Variants in UBAP2 observed in about 807,000 individuals in gnomAD.
UBAP2 encodes the protein ubiquitin-associated protein 2.
A neutral mutation model predicts 139.6 loss-of-function variants in UBAP2; 75 were observed. The observed-to-expected ratio is 0.54, with a 90% confidence interval of 0.45 to 0.65. The LOEUF (loss-of-function observed/expected upper bound fraction) is 0.65, where lower values mean the gene tolerates loss of function less well. Ranked by LOEUF, UBAP2 falls within the 30% of genes least tolerant of loss-of-function variation. The pLI, the probability that UBAP2 is intolerant of heterozygous loss-of-function variation, is 0.00. For missense variants in UBAP2, 1,368 were observed against 1,369.6 expected, an observed-to-expected ratio of 1.00 and a Z score of 0.02; for synonymous variants, 526 against 526.2, an observed-to-expected ratio of 1.00 and a Z score of 0.01.
Position 34,036,337 on chromosome 9 carries a change from A to G in UBAP2, c.-42+12488T>C, listed in dbSNP as rs541011467. Among the ~76,000 whole-genome samples, 187 of 152,162 alleles carry G rather than the reference A, an allele frequency of 1.2e-3. 1 individual carries two copies. The highest frequency in any genetic ancestry group is 4.2e-3 in the African/African-American group (176 of 41,546). On this transcript the variant is annotated intron_variant, in intron 1 of 28. Transcript: ENST00000379238. The stretch of plus-strand genomic sequence containing the variant: ...TCTCCATGTTGGTCAGGATGGTCTC[A>G]AACTCCCGACCTCAGGTGATCTGCC...
In UBAP2 at chr9:33,989,128, T is replaced by C. The variant is rs1211371640; in HGVS notation, c.289-2A>G. ...ACACCCTACAGTCTCCCATGAAGTC[T>C]ATCAGAGAGAACGGCTGTTAATCAT... On this transcript the variant is annotated splice_acceptor_variant, in intron 4 of 28. Transcript: ENST00000379238. LOFTEE classifies it high-confidence loss of function. 4 of 1,603,506 alleles carry C rather than the reference T, an allele frequency of 2.5e-6. No homozygotes were observed. The highest frequency in any genetic ancestry group is 3.4e-6 in the Non-Finnish European group (4 of 1,177,012).
chr9:33,956,419 A>G (rs1217688899), intron 10 of UBAP2, among the ~76,000 whole-genome samples: 2 of 151,608 alleles, frequency 1.3e-5, no homozygotes, highest in African/African-American at 2.4e-5. Flanking sequence ...CCTGGGTTCA[A>G]GCGATCATCT....
At chr9:34,046,063 T>G (rs1827552730) in intron 1 of UBAP2, among the ~76,000 whole-genome samples, 1 of 152,128 alleles carries the variant, frequency 6.6e-6, no homozygotes, top group African/African-American at 2.4e-5. Flanking sequence ...AACTAAGAGC[T>G]CCATTTACTC....
chr9:33,934,743 T>C (rs1824307345), intron 17 of UBAP2, among the ~76,000 whole-genome samples: 1 of 152,146 alleles, frequency 6.6e-6, no homozygotes, highest in African/African-American at 2.4e-5. Flanking sequence ...AAAAGTAGGT[T>C]AATGTACACT....
chr9:33,942,623 A>G (rs1825329516), intron 15 of UBAP2, among the ~76,000 whole-genome samples: 1 of 151,628 alleles, frequency 6.6e-6, no homozygotes, highest in Non-Finnish European at 1.5e-5. Flanking sequence ...CCAGATACTC[A>G]GGAGTCTGAG....
chr9:33,955,293 G>A (rs527379675), intron 11 of UBAP2, among the ~76,000 whole-genome samples: 1 of 152,216 alleles, frequency 6.6e-6, no homozygotes, highest in South Asian at 2.1e-4. Flanking sequence ...GGCCGAGGCT[G>A]GCGGATCACG....
At chr9:33,998,970 TAAC>T in intron 2 of UBAP2, 106 bp from the exon 3 acceptor site, 1 of 806,332 alleles carries the variant, frequency 1.2e-6, no homozygotes, top group South Asian at 1.6e-5. Flanking sequence ...AAATACTAAG[TAAC>T]AACAAATAAA....
intron 1 of UBAP2, among the ~76,000 whole-genome samples, chr9:34,023,425 T>C (rs1486714463): frequency 6.6e-6 from 1 of 152,160 alleles, no homozygotes; most frequent in African/African-American, 2.4e-5. Flanking sequence ...TTTGATATAA[T>C]GTACATGAAT....
chr9:33,983,322 C>G (rs745482507), intron 6 of UBAP2, among the ~76,000 whole-genome samples: 1 of 152,126 alleles, frequency 6.6e-6, no homozygotes, highest in Non-Finnish European at 1.5e-5. Flanking sequence ...GTAAAGGATT[C>G]AACAGTGTAG....
rs1415139688 is a variant in UBAP2 at position 33,922,567 on chromosome 9, G to A, written c.3297C>T (p.Ser1099=). 1.9e-6 allele frequency: 3 copies of A among 1,613,814 alleles called. No homozygotes were observed. The highest frequency in any genetic ancestry group is 2.5e-6 in the Non-Finnish European group (3 of 1,179,952). ...TGGAGGCTTGAGACTTGGGCTGCAGGGAGCTGGGCTGGCTGCGCTGACCCG... is the reference window on the plus strand; with the variant it reads ...TGGAGGCTTGAGACTTGGGCTGCAGAGAGCTGGGCTGGCTGCGCTGACCCG... ...SGSGQRSQPS[S]LQPKSQASKP... Residue 1099 remains serine (S), a synonymous_variant, in exon 29 of 29, where the codon TCC becomes TCT. Coordinates refer to ENST00000379238, the MANE Select transcript of UBAP2 (RefSeq NM_001370062.2).
Position 33,989,077 on chromosome 9 carries a change from T to C in UBAP2, c.338A>G (p.Asn113Ser), listed in dbSNP as rs754756273. 7.4e-6 allele frequency: 12 copies of C among 1,613,944 alleles called. No homozygotes were observed. Among genetic ancestry groups the C allele is most frequent in the Non-Finnish European group, 8.5e-6 (10 of 1,180,006 alleles). The change falls in exon 5 of 29, where the codon AAT (asparagine) becomes AGT (serine). Residue 113 changes from asparagine to serine, a missense_variant. Coordinates refer to ENST00000379238, the MANE Select transcript of UBAP2 (RefSeq NM_001370062.2). ...CTCTCTATTCTCTTTGTTTTCTGAA[T>C]TTTCTTTTGCAAAATTCTTTTTCTT... ...GCKKKNFAKE[N>S]SENKENREKK...
intron 8 of UBAP2, among the ~76,000 whole-genome samples, chr9:33,970,678 C>T (rs961767122): frequency 2.0e-5 from 3 of 152,128 alleles, no homozygotes; most frequent in African/African-American, 7.2e-5. Flanking sequence ...GTGATCCTCC[C>T]GCCTTGGCCA....
At chr9:34,032,715 G>C (rs1350399250) in intron 1 of UBAP2, among the ~76,000 whole-genome samples, 2 of 152,004 alleles carry the variant, frequency 1.3e-5, no homozygotes, top group Non-Finnish European at 2.9e-5. Context: ...CTTGAGGTCC[G>C]GAGTTTGAGA....
At chr9:33,996,906 C>T (rs925968502) in intron 3 of UBAP2, 1 of 152,158 alleles carries the variant, frequency 6.6e-6, no homozygotes, top group African/African-American at 2.4e-5. Flanking sequence ...AGTGAGACCT[C>T]ATCTTTACAA....
At chr9:33,975,219 C>T (rs1018412403) in intron 6 of UBAP2, among the ~76,000 whole-genome samples, 4 of 151,590 alleles carry the variant, frequency 2.6e-5, no homozygotes, top group African/African-American at 9.7e-5. Context: ...ATCACGAGGT[C>T]AGGAGTTCAA....
At chr9:34,027,087 T>C (rs1825462229) in intron 1 of UBAP2, among the ~76,000 whole-genome samples, 1 of 152,204 alleles carries the variant, frequency 6.6e-6, no homozygotes, top group Non-Finnish European at 1.5e-5. Context: ...CTAATCTGTG[T>C]TCCCGCATTT....
At chr9:34,035,514 A>AAAAAAAAATATATAT in intron 1 of UBAP2, among the ~76,000 whole-genome samples, 3 of 22,490 alleles carry the variant, frequency 1.3e-4, no homozygotes, top group African/African-American at 3.8e-4. Context: ...AAAAAAAAAA[A>AAAAAAAAATATATAT]ATATATATAT....
chr9:33,952,505 T>C (rs998290384), intron 12 of UBAP2, among the ~76,000 whole-genome samples: 4 of 152,198 alleles, frequency 2.6e-5, no homozygotes, highest in African/African-American at 9.6e-5. Context: ...ATGTAGCTTA[T>C]TTTACGGTCT....
intron 2 of UBAP2, among the ~76,000 whole-genome samples, chr9:34,009,273 A>T (rs1564060535): frequency 6.6e-6 from 1 of 151,696 alleles, no homozygotes; most frequent in African/African-American, 2.4e-5. Flanking sequence ...TAATTTTTCT[A>T]TTTTTAGTAG....
Sources: allele counts gnomAD v4.1 joint callset (sites outside exome capture counted in the v4.1 genomes callset), GRCh38; gene constraint gnomAD v4.1.1; transcripts MANE v1.5; gene names NCBI Gene and HGNC (gene_info 2026-07-23, HGNC 2026-07-21).